Variants in MICU2 observed in about 807,000 individuals in gnomAD.
The protein encoded by MICU2 is mitochondrial calcium uptake 2.
Under a neutral mutation model 60.4 loss-of-function variants are expected in MICU2, and 64 were observed. The ratio of observed to expected loss-of-function variants is 1.06; its 90% CI spans 0.87 to 1.31. MICU2 has a LOEUF of 1.31. Ranked by LOEUF, MICU2 falls within the 50% of genes most tolerant of loss-of-function variation. The pLI is 0.00. For synonymous variants in MICU2, 201 were observed against 175.0 expected (o/e 1.15, Z -1.17); for missense variants, 569 against 531.0 (o/e 1.07, Z -0.70).
chr13:21,586,695 G>C (rs906001563), intron 1 of MICU2, among the ~76,000 whole-genome samples: 1 of 152,106 alleles, frequency 6.6e-6, no homozygotes, highest in African/African-American at 2.4e-5. Context: ...ATAGGAGGGA[G>C]CCAACACACC....
chr13:21,508,850 G>C lies in MICU2; in HGVS notation c.761+1154C>G, dbSNP rs549230913. On this transcript the variant is annotated intron_variant, in intron 8 of 11. Transcript: ENST00000382374. ...CTGGAAAGCCTTCCCTGATCACCTA[G>C]TCCCAACCTTCAACACAGGGTACAC... 4.6e-5 allele frequency among the ~76,000 whole-genome samples: 7 copies of C among 152,198 alleles called. No homozygotes were observed. In the South Asian group the frequency reaches 1.5e-3, roughly 32 times the overall value.
intron 4 of MICU2, among the ~76,000 whole-genome samples, chr13:21,533,414 C>G (rs992168259): frequency 6.6e-6 from 1 of 151,704 alleles, no homozygotes; most frequent in Non-Finnish European, 1.5e-5. Context: ...AGCTCTGCCC[C>G]CCGGGTTCAC....
At chr13:21,570,291 C>T (rs561033995) in intron 1 of MICU2, among the ~76,000 whole-genome samples, 12 of 148,276 alleles carry the variant, frequency 8.1e-5, no homozygotes, top group Non-Finnish European at 1.2e-4. Flanking sequence ...CTTTATTATA[C>T]GGTAGTAGAA....
chr13:21,530,850 G>C, intron 4 of MICU2: 1 of 733,058 alleles, frequency 1.4e-6, no homozygotes, highest in South Asian at 1.5e-5. Flanking sequence ...ACGGGTTTCT[G>C]AGCCTGGACT....
chr13:21,510,435 G>A (rs988033086), intron 7 of MICU2, among the ~76,000 whole-genome samples: 1 of 152,204 alleles, frequency 6.6e-6, no homozygotes, highest in African/African-American at 2.4e-5. Flanking sequence ...CTTTACTAAT[G>A]AAGCAGCACT....
chr13:21,503,962 T>C (rs530264775), intron 8 of MICU2, among the ~76,000 whole-genome samples: 1 of 152,276 alleles, frequency 6.6e-6, no homozygotes, highest in African/African-American at 2.4e-5. Flanking sequence ...AGAAAAATCA[T>C]CACTTAAAAA....
At chr13:21,573,463 G>A (rs1165747037) in intron 1 of MICU2, among the ~76,000 whole-genome samples, 4 of 152,008 alleles carry the variant, frequency 2.6e-5, no homozygotes, top group East Asian at 1.9e-4. Context: ...TAGTAGGGAC[G>A]GGGTTTCACC....
chr13:21,589,292 C>T (rs113982689), intron 1 of MICU2, among the ~76,000 whole-genome samples: 4,147 of 152,198 alleles, frequency 0.027, 74 homozygotes, highest in African/African-American at 0.032. Flanking sequence ...CCCTCACAGC[C>T]GTAATGGGTG....
chr13:21,601,010 ATGGTCTCGATC>A (rs1382640147), intron 1 of MICU2, among the ~76,000 whole-genome samples: 2 of 152,096 alleles, frequency 1.3e-5, no homozygotes, highest in Non-Finnish European at 2.9e-5. Flanking sequence ...GTTAGCCAGG[ATGGTCTCGATC>A]TCCTGACCTC....
intron 4 of MICU2, among the ~76,000 whole-genome samples, chr13:21,534,232 G>C (rs9506699): frequency 0.14 from 21,012 of 149,582 alleles, 1,636 homozygotes; most frequent in Middle Eastern, 0.22. Flanking sequence ...TTAAGACAAG[G>C]TCTCACTCTA....
At chr13:21,572,252 C>T (rs9506710) in intron 1 of MICU2, among the ~76,000 whole-genome samples, 21,842 of 152,156 alleles carry the variant, frequency 0.14, 1,761 homozygotes, top group Middle Eastern at 0.23. Context: ...GCCAGCTGTA[C>T]GCTGTGTCCG....
At chr13:21,597,454 C>G (rs141975268) in intron 1 of MICU2, among the ~76,000 whole-genome samples, 134 of 152,228 alleles carry the variant, frequency 8.8e-4, no homozygotes, top group African/African-American at 3.2e-3. Context: ...AAATGCCAAT[C>G]AAACCGAAGT....
intron 2 of MICU2, among the ~76,000 whole-genome samples, chr13:21,553,287 G>A (rs1887619702): frequency 6.6e-6 from 1 of 152,196 alleles, no homozygotes; most frequent in Non-Finnish European, 1.5e-5. Flanking sequence ...TGTATCCTGA[G>A]ACTTTGCTCA....
chr13:21,568,497 C>T (rs912329514), intron 1 of MICU2, among the ~76,000 whole-genome samples: 5 of 152,176 alleles, frequency 3.3e-5, no homozygotes, highest in Admixed American at 1.3e-4. Flanking sequence ...CACTTACCAT[C>T]CCCGTAATCA....
chr13:21,514,317 A>G (rs771356799), intron 7 of MICU2, 36 bp downstream of exon 7: 5 of 1,513,934 alleles, frequency 3.3e-6, no homozygotes, highest in Middle Eastern at 3.5e-4. Context: ...AGTAGCTATT[A>G]TAAATATCAA....
chr13:21,595,184 C>T (rs35067197), intron 1 of MICU2, among the ~76,000 whole-genome samples: 51,764 of 152,016 alleles, frequency 0.34, 9,301 homozygotes, highest in South Asian at 0.4. Context: ...TGTATACCGG[C>T]TGTCAATTTA....
At position 21,572,699 on chromosome 13, in the gene MICU2, C is replaced by T. The variant is rs1408974732; in HGVS notation, c.211-5755G>A. ...GCTTTTTTCCTTTCCAGGAGGACCT[C>T]GCTAAAGTATACTGTTGCATGATTC... On this transcript the variant is annotated intron_variant, in intron 1 of 11. Coordinates refer to ENST00000382374, the MANE Select transcript of MICU2 (RefSeq NM_152726.3). Among the ~76,000 whole-genome samples the T allele has an allele frequency of 3.9e-5, 6 of 152,230 alleles. No homozygotes were observed. In the South Asian group the frequency reaches 6.2e-4, roughly 16 times the overall value.
intron 8 of MICU2, among the ~76,000 whole-genome samples, chr13:21,507,513 A>G (rs1026700206): frequency 5.9e-5 from 9 of 152,180 alleles, no homozygotes; most frequent in African/African-American, 2.2e-4. Context: ...AATTTTGTTG[A>G]AAAAATTGTT....
At chr13:21,513,230 T>C (rs1299356880) in intron 7 of MICU2, among the ~76,000 whole-genome samples, 1 of 152,168 alleles carries the variant, frequency 6.6e-6, no homozygotes, top group Non-Finnish European at 1.5e-5. Flanking sequence ...ATAGGCCTTT[T>C]ATTTCCTTGT....
Sources: allele counts gnomAD v4.1 joint callset (sites outside exome capture counted in the v4.1 genomes callset), GRCh38; gene constraint gnomAD v4.1.1; transcripts MANE v1.5; gene names NCBI Gene and HGNC (gene_info 2026-07-23, HGNC 2026-07-21).